Variants in ITGA10 observed in about 807,000 individuals in gnomAD.
ITGA10 encodes the protein integrin subunit alpha 10, also known as integrin alpha-10.
Under a neutral mutation model 145.2 loss-of-function variants are expected in ITGA10, and 105 were observed. The observed-to-expected ratio is 0.72, with a 90% CI of 0.62 to 0.85. The LOEUF (loss-of-function observed/expected upper bound fraction) is 0.85. Among genes scored for constraint, ITGA10 ranks in the 40% least tolerant of loss-of-function variants. The probability of loss-of-function intolerance (pLI) is 0.00; values close to 1 mark genes in which losing one functional copy is unlikely to be tolerated. For missense variants in ITGA10, 1,317 were observed against 1,444.5 expected (o/e 0.91, Z 1.43); for synonymous variants, 506 against 557.8 (o/e 0.91, Z 1.31).
At chr1:145,909,497 TAATTA>T (rs1657583423) in intron 1 of ITGA10, among the ~76,000 whole-genome samples, 6 of 133,768 alleles carry the variant, frequency 4.5e-5, no homozygotes, top group Admixed American at 3.2e-4. Context: ...ATATAATATA[TAATTA>T]TGTTATATAT....
At chr1:145,900,346 C>T (rs587756797) in intron 14 of ITGA10, among the ~76,000 whole-genome samples, 159 bp from the exon 15 acceptor site, 30 of 152,300 alleles carry the variant, frequency 2.0e-4, no homozygotes, top group African/African-American at 6.7e-4. Context: ...TGGCTCACTG[C>T]AACCTCCGCC....
In ITGA10 at chr1:145,902,515, T is replaced by A. The variant is rs1553749259; in HGVS notation, c.1014A>T (p.Thr338=). 1 of 1,613,762 alleles carries A rather than the reference T, an allele frequency of 6.2e-7. No homozygotes were observed. Among genetic ancestry groups the A allele is most frequent in the African/African-American group, 1.3e-5 (1 of 74,902 alleles). The part of the protein sequence containing the change: ...DPDERFFFNV[T]DEAALTDIVD... ...CAATGTCAGTCAGAGCAGCCTCATC[T>A]GTGACATTGAAGAAGAATCGCTCAT... The change falls in exon 9 of 30, where the codon ACA becomes ACT. Residue 338 remains threonine (T), a synonymous_variant. Coordinates refer to ENST00000369304, the MANE Select transcript of ITGA10 (RefSeq NM_003637.5).
rs1655398958 is a variant in ITGA10 at position 145,896,348 on chromosome 1, A to G, written c.2839T>C (p.Ser947Pro). 1 of 1,613,176 alleles carries G rather than the reference A, an allele frequency of 6.2e-7. No individual in the cohort carries two copies. The highest frequency in any genetic ancestry group is 1.7e-5 in the Admixed American group (1 of 59,978). ...YEPHLLFSSE[S>P]TLHRYEVHPY... ...TGAACCTCATAGCGGTGCAGGGTAG[A>G]CTCACTGTGTGAACACCAAGTCAGG... Residue 947 changes from serine (S) to proline (P), a missense_variant, in exon 24 of 30, where the codon TCT becomes CCT. Transcript: ENST00000369304.
intron 28 of ITGA10, 83 bp downstream of exon 28, chr1:145,893,457 G>A (rs988668359): frequency 1.6e-5 from 18 of 1,138,208 alleles, no homozygotes; most frequent in Admixed American, 1.4e-4. Flanking sequence ...AGATGCCTTC[G>A]TTCTGAAAAA....
In ITGA10 at chr1:145,893,599, C is replaced by T; in HGVS notation, c.3265G>A (p.Glu1089Lys). 1 of 1,613,364 alleles carries T rather than the reference C, an allele frequency of 6.2e-7. No homozygotes were observed. The change falls in exon 28 of 30, where the codon GAG becomes AAG. Residue 1089 changes from glutamate (E) to lysine (K), a missense_variant. Coordinates refer to ENST00000369304, the MANE Select transcript of ITGA10 (RefSeq NM_003637.5). ...FKSLTVVSTF[E>K]LGTEEGSVLQ... Reference sequence around the variant, plus strand: ...ACACTGCCCTCTTCGGTTCCCAGCTCAAAGGTGCTGACCACCGTCAGGGAC... The same window carrying T: ...ACACTGCCCTCTTCGGTTCCCAGCTTAAAGGTGCTGACCACCGTCAGGGAC...
In ITGA10 at chr1:145,896,366, A is replaced by G; in HGVS notation, c.2835-14T>C. 1 of 1,595,600 alleles carries G rather than the reference A, an allele frequency of 6.3e-7. No homozygotes were observed. Among genetic ancestry groups the G allele is most frequent in the Non-Finnish European group, 8.6e-7 (1 of 1,163,188 alleles). On this transcript the variant is annotated splice_polypyrimidine_tract_variant and intron_variant, in intron 23 of 29. Coordinates refer to ENST00000369304, the MANE Select transcript of ITGA10 (RefSeq NM_003637.5). ...AGGGTAGACTCACTGTGTGAACACC[A>G]AGTCAGGAAGTACATGGTCACAGCC...
Position 145,901,387 on chromosome 1 carries a change from T to C in ITGA10, c.1444-109A>G. The C allele has an allele frequency of 6.7e-7, 1 of 1,493,980 alleles. No individual in the cohort carries two copies. The highest frequency in any genetic ancestry group is 9.1e-7 in the Non-Finnish European group (1 of 1,103,174). The allele number at this position is 1,493,980 out of a possible 1,614,324, so 92.5% of individuals were successfully genotyped here. A position where few individuals can be genotyped will look rare whatever the true frequency, so the allele number is the denominator to read the frequency against. On this transcript the variant is annotated intron_variant, in intron 12 of 29. Coordinates refer to ENST00000369304, the MANE Select transcript of ITGA10 (RefSeq NM_003637.5). This position sits in a 1 kb window ranked among gnomAD's most constrained non-coding sequence, Gnocchi z 4.3. ...CCTGCTAGTCTGCTCCTTACATCCC[T>C]GACAGACTCTGCCAACCAGAATTCC...
chr1:145,893,402 G>T lies in ITGA10; in HGVS notation c.3325-128C>A, dbSNP rs906577891. ...TGCTACTTAAAGGAAAGAAACTGAGGCAGGAATGGCGGCAGTGGAACACTA... is the reference window on the plus strand; with the variant it reads ...TGCTACTTAAAGGAAAGAAACTGAGTCAGGAATGGCGGCAGTGGAACACTA... On this transcript the variant is annotated intron_variant, in intron 28 of 29. Transcript: ENST00000369304. The T allele has an allele frequency of 5.3e-6, 5 of 938,462 alleles. No homozygotes were observed. The African/African-American group carries it at 8.2e-5, about 15-fold the overall frequency. The allele number at this position is 938,462 out of a possible 1,614,324, so 58.1% of individuals were successfully genotyped here.
At position 145,900,288 on chromosome 1, in the gene ITGA10, A is replaced by G. The variant is rs1220930924; in HGVS notation, c.1792-101T>C. The G allele has an allele frequency of 5.3e-6, 7 of 1,309,146 alleles. No individual in the cohort carries two copies. The Admixed American group carries it at 1.2e-4, about 23-fold the overall frequency. The allele number at this position is 1,309,146 out of a possible 1,614,324, so 81.1% of individuals were successfully genotyped here. Reference sequence around the variant, plus strand: ...TTTTATTTATTTATTTATTTTTGAGATGGAGTTTCACTCTTGTTGCCCAGG... The same window carrying G: ...TTTTATTTATTTATTTATTTTTGAGGTGGAGTTTCACTCTTGTTGCCCAGG... On this transcript the variant is annotated intron_variant, in intron 14 of 29. Transcript: ENST00000369304.
intron 7 of ITGA10, among the ~76,000 whole-genome samples, chr1:145,903,729 C>T (rs1553750031): frequency 6.6e-6 from 1 of 151,518 alleles, no homozygotes; most frequent in African/African-American, 2.4e-5. Flanking sequence ...TCTCGTTGCC[C>T]AGGCTGGAGT....
chr1:145,896,551 C>G (rs587756507), intron 23 of ITGA10, among the ~76,000 whole-genome samples, 199 bp from the exon 24 acceptor site: 1 of 152,292 alleles, frequency 6.6e-6, no homozygotes, highest in Non-Finnish European at 1.5e-5. Flanking sequence ...TCCCCTCATC[C>G]CAGCTCCAGT....
At chr1:145,903,451 G>A (rs782774173) in intron 7 of ITGA10, among the ~76,000 whole-genome samples, 2 of 152,080 alleles carry the variant, frequency 1.3e-5, no homozygotes, top group African/African-American at 4.8e-5. Flanking sequence ...TTGGAGTGGA[G>A]GGATAGAAAG....
rs781933915 is a variant in ITGA10 at position 145,904,681 on chromosome 1, T to TA, written c.609+2dup. 6.2e-7 allele frequency: 1 copy of TA among 1,613,966 alleles called. No individual in the cohort carries two copies. Among genetic ancestry groups the TA allele is most frequent in the Non-Finnish European group, 8.5e-7 (1 of 1,179,886 alleles). The stretch of plus-strand genomic sequence containing the variant: ...GTGCCCAGCTCATATTGCCTTCTCT[T>TA]ACCTGTATCTGTTCTGGGTCAATAA... On this transcript the variant is annotated splice_region_variant and intron_variant, in intron 6 of 29. Coordinates refer to ENST00000369304, the MANE Select transcript of ITGA10 (RefSeq NM_003637.5).
At position 145,895,143 on chromosome 1, in the gene ITGA10, G is replaced by T. The variant is rs1357926192; in HGVS notation, c.3228+137C>A. 1.3e-4 allele frequency: 80 copies of T among 607,036 alleles called. 1 individual carries two copies. In the South Asian group the frequency reaches 1.4e-3, roughly 11 times the overall value. 37.6% of individuals were successfully genotyped at this position (607,036 alleles called of 1,614,324 possible). A position where few individuals can be genotyped will look rare whatever the true frequency, so the allele number is the denominator to read the frequency against. ...TTAGGAAAAAGAGGCTTAGAGAGATGAAATAACTTGCTCATGGTCAAATAG... is the reference window on the plus strand; with the variant it reads ...TTAGGAAAAAGAGGCTTAGAGAGATTAAATAACTTGCTCATGGTCAAATAG... On this transcript the variant is annotated intron_variant, in intron 27 of 29. Coordinates refer to ENST00000369304, the MANE Select transcript of ITGA10 (RefSeq NM_003637.5).
chr1:145,902,165 GGAGGA>G, intron 10 of ITGA10, 76 bp downstream of exon 10: 1 of 1,560,692 alleles, frequency 6.4e-7, no homozygotes, highest in Non-Finnish European at 8.8e-7. Context: ...GCTGGTTAAA[GGAGGA>G]ATCTGGAGGG....
chr1:145,894,236 C>T (rs1290425254), intron 27 of ITGA10, among the ~76,000 whole-genome samples: 1 of 151,410 alleles, frequency 6.6e-6, no homozygotes, highest in Non-Finnish European at 1.5e-5. Flanking sequence ...CTCAACCTCC[C>T]AAGTAGCTGG....
chr1:145,906,302 C>A (rs968990480), intron 5 of ITGA10, 92 bp downstream of exon 5: 31 of 902,976 alleles, frequency 3.4e-5, no homozygotes, highest in Admixed American at 3.3e-4. Flanking sequence ...GCCATGCAGG[C>A]CCTTTGCCAG....
chr1:145,896,638 G>C, intron 23 of ITGA10, 131 bp downstream of exon 23: 1 of 776,164 alleles, frequency 1.3e-6, no homozygotes, highest in South Asian at 1.5e-5. Context: ...ATAGGATTGA[G>C]GGCAAAAAGA....
intron 1 of ITGA10, among the ~76,000 whole-genome samples, chr1:145,909,457 T>C (rs1657564707): frequency 7.2e-6 from 1 of 139,608 alleles, no homozygotes; most frequent in Admixed American, 7.6e-5. Context: ...ATATAATATA[T>C]AATTATGTTA....
Sources: gnomAD v4.1 joint callset for allele counts (sites outside exome capture counted in the v4.1 genomes callset) on GRCh38, gnomAD v4.1.1 for gene constraint, Gnocchi (gnomAD v3.1) non-coding constraint, MANE v1.5 for transcripts, NCBI Gene and HGNC (gene_info 2026-07-23, HGNC 2026-07-21) for gene names.